Variants in STAM observed in about 807,000 individuals in gnomAD.
STAM encodes the protein signal transducing adapter molecule 1.
In STAM, 16 loss-of-function variants were observed where a neutral mutation model predicts 63.4. The ratio of observed to expected loss-of-function variants is 0.25; its 90% CI spans 0.17 to 0.38. The LOEUF (loss-of-function observed/expected upper bound fraction) is 0.38. Ranked by LOEUF, STAM falls within the 10% of genes least tolerant of loss-of-function variation. STAM has a pLI of 1.00. For missense variants in STAM, 636 were observed against 657.1 expected, an observed-to-expected ratio of 0.97 and a Z score of 0.35; for synonymous variants, 238 against 223.9, an observed-to-expected ratio of 1.06 and a Z score of -0.56.
intron 2 of STAM, among the ~76,000 whole-genome samples, chr10:17,662,876 G>A (rs1485413707): frequency 2.6e-5 from 4 of 152,204 alleles, no homozygotes; most frequent in African/African-American, 9.6e-5. Flanking sequence ...GACAGTTTCT[G>A]TTGAAGACTG....
chr10:17,644,322 C>A lies in STAM; in HGVS notation c.-18C>A. 1 of 1,614,132 alleles carries A rather than the reference C, an allele frequency of 6.2e-7. No homozygotes were observed. ...TGTCGAGAGGGAGTCCCCGGGGACACCTCGGCACGCAGCGGAGATGCCTCT... is the reference window on the plus strand; with the variant it reads ...TGTCGAGAGGGAGTCCCCGGGGACAACTCGGCACGCAGCGGAGATGCCTCT... On this transcript the variant is annotated 5_prime_UTR_variant, in exon 1 of 14. Transcript: ENST00000377524.
Position 17,714,900 on chromosome 10 carries a change from G to T in STAM, c.*120G>T. On this transcript the variant is annotated 3_prime_UTR_variant, in exon 14 of 14. Transcript: ENST00000377524. ...TATAGGAATCTCTCCAGGTCAACAGGTTCAAATATTCAAGAAGGTAGAACT... is the reference window on the plus strand; with the variant it reads ...TATAGGAATCTCTCCAGGTCAACAGTTTCAAATATTCAAGAAGGTAGAACT... 1.0e-6 allele frequency: 1 copy of T among 976,636 alleles called. No homozygotes were observed. The highest frequency in any genetic ancestry group is 1.6e-5 in the African/African-American group (1 of 61,844). The allele number at this position is 976,636 out of a possible 1,614,324, so 60.5% of individuals were successfully genotyped here.
At chr10:17,661,206 C>T (rs1331171057) in intron 2 of STAM, among the ~76,000 whole-genome samples, 1 of 152,186 alleles carries the variant, frequency 6.6e-6, no homozygotes. Context: ...ATTTCTTCAG[C>T]TCCTGGGCTA....
intron 2 of STAM, among the ~76,000 whole-genome samples, chr10:17,665,865 A>G (rs941990719): frequency 7.2e-5 from 11 of 152,246 alleles, no homozygotes; most frequent in Admixed American, 3.3e-4. Flanking sequence ...AGATATTCAC[A>G]TGATTTCTAC....
intron 2 of STAM, among the ~76,000 whole-genome samples, chr10:17,667,193 C>T (rs1488170945): frequency 2.0e-5 from 3 of 151,080 alleles, no homozygotes; most frequent in African/African-American, 7.3e-5. Flanking sequence ...ATGGTGCGAT[C>T]TCAGCTCACT....
intron 1 of STAM, 85 bp downstream of exon 1, chr10:17,644,464 G>A: frequency 1.3e-6 from 2 of 1,544,348 alleles, no homozygotes; most frequent in Non-Finnish European, 1.8e-6. Context: ...AGGACCCTCG[G>A]GCCAGGGCCA....
chr10:17,701,678 A>C (rs1836003274), intron 9 of STAM, among the ~76,000 whole-genome samples: 1 of 152,148 alleles, frequency 6.6e-6, no homozygotes, highest in South Asian at 2.1e-4. Context: ...TCTTTCCTAA[A>C]ATTGATCTGC....
At chr10:17,705,536 A>T (rs1450403402) in intron 11 of STAM, 52 bp from the exon 12 acceptor site, 1 of 1,568,956 alleles carries the variant, frequency 6.4e-7, no homozygotes, top group African/African-American at 1.4e-5. Context: ...TATTTAGAGC[A>T]TTATATCATT....
chr10:17,696,933 T>A, intron 8 of STAM, 64 bp downstream of exon 8: 2 of 1,390,036 alleles, frequency 1.4e-6, no homozygotes, highest in Non-Finnish European at 2.0e-6. Context: ...GGAAGTTGAG[T>A]AAACTGAACT....
intron 2 of STAM, among the ~76,000 whole-genome samples, chr10:17,675,642 A>C (rs1470896621): frequency 6.6e-6 from 1 of 152,230 alleles, no homozygotes; most frequent in Non-Finnish European, 1.5e-5. Context: ...TTAGAAAAAA[A>C]CACTAGGCTA....
At chr10:17,659,117 T>C (rs918159844) in intron 1 of STAM, among the ~76,000 whole-genome samples, 3 of 151,272 alleles carry the variant, frequency 2.0e-5, no homozygotes, top group East Asian at 3.9e-4. Context: ...TTTAAAATCT[T>C]TTTTTTTTAG....
chr10:17,709,687 G>A (rs782709165), intron 13 of STAM, among the ~76,000 whole-genome samples: 4 of 152,056 alleles, frequency 2.6e-5, no homozygotes, highest in Non-Finnish European at 5.9e-5. Flanking sequence ...GGCAACAGAA[G>A]TTTCTAGGTA....
chr10:17,664,097 G>A (rs1834281880), intron 2 of STAM, among the ~76,000 whole-genome samples: 1 of 151,940 alleles, frequency 6.6e-6, no homozygotes, highest in Non-Finnish European at 1.5e-5. Flanking sequence ...ACATTTACGT[G>A]TACTTCCAAA....
chr10:17,704,166 C>T (rs561573486), intron 9 of STAM, among the ~76,000 whole-genome samples: 2 of 152,278 alleles, frequency 1.3e-5, no homozygotes, highest in South Asian at 2.1e-4. Flanking sequence ...GATCATAGCT[C>T]ACTGCAGCCT....
At chr10:17,651,031 T>C (rs1021986076) in intron 1 of STAM, among the ~76,000 whole-genome samples, 78 of 131,420 alleles carry the variant, frequency 5.9e-4, no homozygotes, top group African/African-American at 2.2e-3. Flanking sequence ...CACCACTGCA[T>C]TCCAGCCTTG....
intron 9 of STAM, among the ~76,000 whole-genome samples, chr10:17,701,392 A>G (rs1589102921): frequency 6.6e-6 from 1 of 152,230 alleles, no homozygotes; most frequent in African/African-American, 2.4e-5. Context: ...CAAACCATTA[A>G]GGATTTTTGA....
At chr10:17,646,108 A>G (rs1554820803) in intron 1 of STAM, among the ~76,000 whole-genome samples, 1 of 152,132 alleles carries the variant, frequency 6.6e-6, no homozygotes, top group African/African-American at 2.4e-5. Flanking sequence ...TTTATCTTTC[A>G]ACATATCCTT....
At chr10:17,687,087 T>C (rs1182745680) in intron 4 of STAM, among the ~76,000 whole-genome samples, 1 of 152,234 alleles carries the variant, frequency 6.6e-6, no homozygotes, top group Non-Finnish European at 1.5e-5. Context: ...GAAAACTCAC[T>C]ACATTTATCT....
chr10:17,655,495 G>A (rs1233923315), intron 1 of STAM, among the ~76,000 whole-genome samples: 1 of 152,140 alleles, frequency 6.6e-6, no homozygotes, highest in Non-Finnish European at 1.5e-5. Context: ...TCCGGTGGTA[G>A]TGACTAACTA....
Sources: gnomAD v4.1 joint callset for allele counts (sites outside exome capture counted in the v4.1 genomes callset) on GRCh38, gnomAD v4.1.1 for gene constraint, MANE v1.5 for transcripts, NCBI Gene and HGNC (gene_info 2026-07-23, HGNC 2026-07-21) for gene names.